The following MTMR8 variants were observed in gnomAD, a reference collection of about 807,000 sequenced individuals.
The protein encoded by MTMR8 is phosphatidylinositol-3,5-bisphosphate 3-phosphatase MTMR8.
MTMR8 carries 65 observed loss-of-function variants against 39.3 expected under a neutral mutation model. The observed-to-expected ratio is 1.65, with a 90% confidence interval of 1.35 to 2.03. The LOEUF (loss-of-function observed/expected upper bound fraction) is 2.03, where lower values mean the gene tolerates loss of function less well. Among genes scored for constraint, MTMR8 ranks in the 30% most tolerant of loss-of-function variants. The probability of loss-of-function intolerance (pLI) is 0.00; values close to 1 mark genes in which losing one functional copy is unlikely to be tolerated. For synonymous variants in MTMR8, 245 were observed against 185.2 expected, an observed-to-expected ratio of 1.32 and a Z score of -2.62; for missense variants, 777 against 538.9, an observed-to-expected ratio of 1.44 and a Z score of -4.37.
intron 7 of MTMR8, among the ~76,000 whole-genome samples, chrX:64,344,638 G>A (rs1190568644): frequency 9.0e-6 from 1 of 111,259 alleles, no homozygotes; most frequent in African/African-American, 3.3e-5. Flanking sequence ...AACTTCATCA[G>A]CACAGTGATG....
chrX:64,359,645 T>C, intron 1 of MTMR8, 118 bp from the exon 2 acceptor site: 2 of 749,140 alleles, frequency 2.7e-6, no homozygotes, highest in Non-Finnish European at 3.8e-6. Flanking sequence ...GTCTTTCCAG[T>C]TCCTGCCAAG....
chrX:64,309,961 G>T (rs1275682120), intron 12 of MTMR8, among the ~76,000 whole-genome samples: 2 of 111,721 alleles, frequency 1.8e-5, no homozygotes, highest in Non-Finnish European at 3.8e-5. Context: ...TGACTGCTCA[G>T]GGTACTGGTG....
intron 1 of MTMR8, among the ~76,000 whole-genome samples, chrX:64,364,947 G>A (rs1019246330): frequency 9.0e-6 from 1 of 111,604 alleles, no homozygotes; most frequent in Non-Finnish European, 1.9e-5. Flanking sequence ...ACCATGGCAC[G>A]AGAACTTCAT....
In MTMR8 at chrX:64,268,433, G is replaced by T; in HGVS notation, c.*104C>A. The T allele has an allele frequency of 2.0e-6, 2 of 1,009,156 alleles. No homozygotes were observed. The highest frequency in any genetic ancestry group is 3.1e-5 in the East Asian group (1 of 32,512). 83.2% of individuals were successfully genotyped at this position (1,009,156 alleles called of 1,213,427 possible). ...CTTAAGTGGGGAGAGGGGTGCCCTG[G>T]CTTCACCCACTTAAACCAATTGGAA... On this transcript the variant is annotated 3_prime_UTR_variant, in exon 14 of 14. Coordinates refer to ENST00000374852, the MANE Select transcript of MTMR8 (RefSeq NM_017677.4).
intron 12 of MTMR8, chrX:64,306,665 T>C (rs761002650): frequency 7.0e-5 from 8 of 113,723 alleles, no homozygotes; most frequent in Non-Finnish European, 1.3e-4. Flanking sequence ...TGCTGTCTTC[T>C]CATAATCCCC....
chrX:64,345,016 C>T (rs1923312226), intron 7 of MTMR8, 29 bp downstream of exon 7: 1 of 1,202,525 alleles, frequency 8.3e-7, no homozygotes, highest in East Asian at 3.0e-5. Flanking sequence ...GCTATGGCCG[C>T]TTGCCTAGCC....
At chrX:64,384,420 AG>A (rs1013932494) in intron 1 of MTMR8, among the ~76,000 whole-genome samples, 6 of 111,625 alleles carry the variant, frequency 5.4e-5, no homozygotes, top group Admixed American at 4.7e-4. Flanking sequence ...CTCTGTGTGT[AG>A]GCTCCAACCC....
At chrX:64,296,723 C>T (rs767218763) in intron 12 of MTMR8, among the ~76,000 whole-genome samples, 5 of 107,248 alleles carry the variant, frequency 4.7e-5, no homozygotes, top group African/African-American at 6.8e-5. Flanking sequence ...AATGCTATCC[C>T]TTCCCCCTCC....
At chrX:64,351,581 C>T (rs758941695) in intron 4 of MTMR8, among the ~76,000 whole-genome samples, 77 of 110,832 alleles carry the variant, frequency 6.9e-4, no homozygotes, top group Non-Finnish European at 1.4e-3. Context: ...CACAGTAGGC[C>T]GTCTGCAAGT....
chrX:64,339,719 G>A (rs1011460505), intron 8 of MTMR8, among the ~76,000 whole-genome samples: 1 of 111,214 alleles, frequency 9.0e-6, no homozygotes. Context: ...CCTTAAAGTA[G>A]GAAGAGATGG....
At chrX:64,366,344 A>G (rs776741336) in intron 1 of MTMR8, among the ~76,000 whole-genome samples, 45 of 111,924 alleles carry the variant, frequency 4.0e-4, no homozygotes, top group Admixed American at 6.6e-4. Flanking sequence ...AAAATTGACC[A>G]CATAGTTGGA....
At chrX:64,330,523 A>G (rs1199871175) in intron 11 of MTMR8, among the ~76,000 whole-genome samples, 1 of 111,892 alleles carries the variant, frequency 8.9e-6, no homozygotes, top group African/African-American at 3.2e-5. Context: ...GTGAGTTGTG[A>G]AACAGCTACT....
chrX:64,358,417 T>G (rs1014044560), intron 2 of MTMR8, among the ~76,000 whole-genome samples: 23 of 112,373 alleles, frequency 2.0e-4, no homozygotes, highest in African/African-American at 7.1e-4. Flanking sequence ...ACTTATATGA[T>G]AGTATTTACC....
chrX:64,379,379 C>T (rs761345256), intron 1 of MTMR8, among the ~76,000 whole-genome samples: 5 of 111,762 alleles, frequency 4.5e-5, no homozygotes, highest in South Asian at 3.8e-4. Context: ...ATATCCTCAA[C>T]AAAATATTGG....
intron 12 of MTMR8, among the ~76,000 whole-genome samples, chrX:64,319,546 T>G (rs1439770205): frequency 8.9e-6 from 1 of 112,144 alleles, no homozygotes; most frequent in East Asian, 2.8e-4. Flanking sequence ...GGTCTAACAT[T>G]TAAGTCTTTA....
At chrX:64,329,665 T>A (rs769816945) in intron 11 of MTMR8, among the ~76,000 whole-genome samples, 2 of 111,078 alleles carry the variant, frequency 1.8e-5, no homozygotes, top group Admixed American at 1.9e-4. Context: ...ACACACCATG[T>A]CAAAGGAAGC....
At chrX:64,355,020 T>C (rs12845463) in intron 3 of MTMR8, 86 bp from the exon 4 acceptor site, 5 of 864,715 alleles carry the variant, frequency 5.8e-6, no homozygotes, top group Non-Finnish European at 4.7e-6. Flanking sequence ...CTAGATTTCC[T>C]TTTCCTAAGG....
intron 12 of MTMR8, among the ~76,000 whole-genome samples, chrX:64,281,956 AC>A (rs1396427964): frequency 3.6e-5 from 4 of 111,169 alleles, no homozygotes; most frequent in African/African-American, 1.3e-4. Flanking sequence ...TATGCGGCCA[AC>A]AAACATATGA....
At position 64,321,766 on chromosome X, in the gene MTMR8, C is replaced by T. The variant is rs183914527; in HGVS notation, c.1481+7006G>A. Among the ~76,000 whole-genome samples, 656 of 112,181 alleles carry T rather than the reference C, an allele frequency of 5.8e-3. 2 individuals are homozygous for T. The highest frequency in any genetic ancestry group is 0.02 in the African/African-American group (624 of 30,902). On this transcript the variant is annotated intron_variant, in intron 12 of 13. Coordinates refer to ENST00000374852, the MANE Select transcript of MTMR8 (RefSeq NM_017677.4). ...CCAAGTAGGAAAGCTTTAAACTTTT[C>T]CCTGATGAATATAGTATTACCTGTG...
Sources: gnomAD v4.1 joint callset for allele counts (sites outside exome capture counted in the v4.1 genomes callset) on GRCh38, gnomAD v4.1.1 for gene constraint, MANE v1.5 for transcripts, NCBI Gene and HGNC (gene_info 2026-07-23, HGNC 2026-07-21) for gene names.